Variants in RBMS3 observed in about 807,000 individuals in gnomAD.
The protein encoded by RBMS3 is RNA-binding motif, single-stranded-interacting protein 3.
A neutral mutation model predicts 66.8 loss-of-function variants in RBMS3; 27 were observed. That is an observed-to-expected ratio of 0.40 (90% confidence interval 0.30 to 0.56). The LOEUF (loss-of-function observed/expected upper bound fraction) is 0.56, where lower values mean the gene tolerates loss of function less well. Among genes scored for constraint, RBMS3 ranks in the 20% least tolerant of loss-of-function variants. The pLI is 0.40. For synonymous variants in RBMS3, 188 were observed against 183.0 expected (o/e 1.03, Z -0.22); for missense variants, 513 against 549.5 (o/e 0.93, Z 0.66).
At chr3:29,449,542 G>T (rs905021331) in intron 2 of RBMS3, among the ~76,000 whole-genome samples, 1 of 152,130 alleles carries the variant, frequency 6.6e-6, no homozygotes, top group African/African-American at 2.4e-5. Context: ...CAGACTTTGG[G>T]ATTTAGAAAA....
At chr3:29,927,260 A>G (rs1577168804) in intron 10 of RBMS3, 1 of 152,148 alleles carries the variant, frequency 6.6e-6, no homozygotes, top group African/African-American at 2.4e-5. Flanking sequence ...TTTCCATTGA[A>G]TCTTCTTGTC....
At chr3:29,344,025 T>G (rs149014329) in intron 1 of RBMS3, among the ~76,000 whole-genome samples, 13 of 152,300 alleles carry the variant, frequency 8.5e-5, no homozygotes, top group African/African-American at 2.9e-4. Context: ...TAATGGGTGG[T>G]GAAGCTGCCA....
intron 4 of RBMS3, among the ~76,000 whole-genome samples, chr3:29,589,988 G>A (rs915698853): frequency 3.3e-5 from 5 of 152,016 alleles, no homozygotes; most frequent in Non-Finnish European, 5.9e-5. Context: ...TCAACCAATA[G>A]CAAGTTACCC....
At chr3:29,414,382 T>C (rs189909540) in intron 1 of RBMS3, among the ~76,000 whole-genome samples, 10 of 152,324 alleles carry the variant, frequency 6.6e-5, no homozygotes, top group Non-Finnish European at 1.3e-4. Flanking sequence ...TTTCATTCTC[T>C]AAAAATAACC....
At chr3:29,786,124 G>A (rs1347347507) in intron 6 of RBMS3, among the ~76,000 whole-genome samples, 1 of 147,504 alleles carries the variant, frequency 6.8e-6, no homozygotes, top group African/African-American at 2.5e-5. Context: ...ACTTAGAAAT[G>A]TACCTAAGAA....
chr3:29,711,000 C>T (rs1358226123), intron 4 of RBMS3, among the ~76,000 whole-genome samples: 2 of 152,136 alleles, frequency 1.3e-5, no homozygotes, highest in African/African-American at 4.8e-5. Flanking sequence ...AATACAGTAG[C>T]TCCCCCCTTA....
intron 6 of RBMS3, among the ~76,000 whole-genome samples, chr3:29,846,543 CA>C (rs1294063188): frequency 6.6e-6 from 1 of 152,132 alleles, no homozygotes; most frequent in Non-Finnish European, 1.5e-5. Context: ...TCAAATAATA[CA>C]ATAATTTTAG....
intron 4 of RBMS3, among the ~76,000 whole-genome samples, chr3:29,700,853 T>TA (rs1291694950): frequency 3.1e-5 from 1 of 32,638 alleles, no homozygotes; most frequent in Admixed American, 4.2e-4. Context: ...CGAGGGAGAT[T>TA]ATAAGCATGT....
At chr3:29,296,007 T>C (rs1054367337) in intron 1 of RBMS3, among the ~76,000 whole-genome samples, 4 of 151,756 alleles carry the variant, frequency 2.6e-5, no homozygotes, top group Non-Finnish European at 5.9e-5. Flanking sequence ...AGGATTGTAC[T>C]CTTCCTTTGG....
At chr3:29,829,012 TTCTTTCTTTCTTTC>T (rs1167319416) in intron 6 of RBMS3, among the ~76,000 whole-genome samples, 1 of 46,784 alleles carries the variant, frequency 2.1e-5, no homozygotes, top group Non-Finnish European at 5.6e-5. Context: ...CTTTCTTTCT[TTCTTTCTTTCTTTC>T]TTTCTTTCTT....
chr3:29,528,425 C>G (rs2045221613), intron 3 of RBMS3, among the ~76,000 whole-genome samples: 1 of 151,998 alleles, frequency 6.6e-6, no homozygotes, highest in Admixed American at 6.6e-5. Flanking sequence ...CAAATGCAAG[C>G]AAGCTTAACA....
intron 4 of RBMS3, among the ~76,000 whole-genome samples, chr3:29,738,789 A>G (rs924224891): frequency 6.6e-6 from 1 of 152,160 alleles, no homozygotes; most frequent in African/African-American, 2.4e-5. Flanking sequence ...GCTAAGGCTA[A>G]TGTTGCATTT....
chr3:29,936,239 C>G (rs751016049), intron 11 of RBMS3, 43 bp downstream of exon 11: 2 of 1,540,932 alleles, frequency 1.3e-6, no homozygotes, highest in South Asian at 2.3e-5. Flanking sequence ...CTTTTTTGAT[C>G]AGATGTGATA....
chr3:29,838,850 A>G (rs1007002440), intron 6 of RBMS3, among the ~76,000 whole-genome samples: 1 of 152,166 alleles, frequency 6.6e-6, no homozygotes, highest in African/African-American at 2.4e-5. Context: ...TCTGGAAAAC[A>G]GGTTGATAAA....
intron 4 of RBMS3, among the ~76,000 whole-genome samples, chr3:29,643,295 A>G (rs948455694): frequency 2.0e-5 from 3 of 152,080 alleles, no homozygotes; most frequent in African/African-American, 7.2e-5. Context: ...GCAGCTAATC[A>G]CATTTCCTGT....
intron 4 of RBMS3, among the ~76,000 whole-genome samples, chr3:29,618,522 A>G (rs1416747335): frequency 2.0e-5 from 3 of 151,958 alleles, no homozygotes; most frequent in Admixed American, 6.6e-5. Flanking sequence ...AAGAAAGAAA[A>G]AAAAAATAGC....
intron 4 of RBMS3, among the ~76,000 whole-genome samples, chr3:29,674,737 CAAA>C (rs149403305): frequency 0.039 from 3,947 of 100,884 alleles, 158 homozygotes; most frequent in African/African-American, 0.12. Flanking sequence ...ACCACTGCTC[CAAA>C]AAAAAAAAAA....
At chr3:30,003,785 GA>G in intron 14 of RBMS3, 70 bp from the exon 15 acceptor site, 4 of 1,152,986 alleles carry the variant, frequency 3.5e-6, no homozygotes, top group South Asian at 3.0e-5. Context: ...TGCCTCATTG[GA>G]AAAGGGCACA....
At chr3:29,428,261 G>T (rs1212577110) in intron 1 of RBMS3, among the ~76,000 whole-genome samples, 1 of 151,946 alleles carries the variant, frequency 6.6e-6, no homozygotes, top group African/African-American at 2.4e-5. Flanking sequence ...AGATATTTTT[G>T]GTTGTCACAA....
Sources: allele counts gnomAD v4.1 joint callset (sites outside exome capture counted in the v4.1 genomes callset), GRCh38; gene constraint gnomAD v4.1.1; transcripts MANE v1.5; gene names NCBI Gene and HGNC (gene_info 2026-07-23, HGNC 2026-07-21).